The following PCDHGA2 variants were observed in gnomAD, a reference collection of about 807,000 sequenced individuals.
The protein encoded by PCDHGA2 is protocadherin gamma-A2.
A neutral mutation model predicts 59.2 loss-of-function variants in PCDHGA2; 40 were observed. The ratio of observed to expected loss-of-function variants is 0.68; its 90% CI spans 0.52 to 0.88. PCDHGA2 has a LOEUF of 0.88. PCDHGA2 is among the 40% of genes least tolerant of loss of function. The pLI, the probability that PCDHGA2 is intolerant of heterozygous loss-of-function variation, is 0.00. For missense variants in PCDHGA2, 1,226 were observed against 1,204.0 expected (o/e 1.02, Z -0.27); for synonymous variants, 560 against 526.0 (o/e 1.06, Z -0.89).
Position 141,490,318 on chromosome 5 carries a change from C to T in PCDHGA2, c.2425-4489C>T. ...ATTGGCCTCTTTGGCCAACCCTGTCCTAGAGAGCACACCAGTGGGCACAGT... is the reference window on the plus strand; with the variant it reads ...ATTGGCCTCTTTGGCCAACCCTGTCTTAGAGAGCACACCAGTGGGCACAGT... On this transcript the variant is annotated intron_variant, in intron 1 of 3. Transcript: ENST00000394576. The surrounding 1 kb of genome is among the most constrained non-coding windows in gnomAD (Gnocchi z 5.4). 1 of 1,614,220 alleles carries T rather than the reference C, an allele frequency of 6.2e-7. No homozygotes were observed.
Position 141,339,146 on chromosome 5 carries a change from C to G in PCDHGA2, c.175C>G (p.Leu59Val), listed in dbSNP as rs746677262. 2 of 1,614,218 alleles carry G rather than the reference C, an allele frequency of 1.2e-6. No homozygotes were observed. Among genetic ancestry groups the G allele is most frequent in the Non-Finnish European group, 1.7e-6 (2 of 1,180,014 alleles). Residue 59 changes from leucine to valine, a missense_variant, in exon 1 of 4, where the codon CTG (leucine) becomes GTG (valine). Physicochemically the swap from Leu to Val is conservative, Grantham distance 32. Transcript: ENST00000394576. ...GGACTTGGGTTTGGAGCCCCTGGCA[C>G]TGGCAGAGCAGGGAGTCCGCATCGT... is the stretch of plus-strand genomic sequence containing the variant. ...AKDLGLEPLA[L>V]AEQGVRIVSR...
chr5:141,413,446 G>A, intron 1 of PCDHGA2: 1 of 1,614,130 alleles, frequency 6.2e-7, no homozygotes. Context: ...CTTGATCACC[G>A]CGGGCAGGAT....
At chr5:141,357,306 C>T in intron 1 of PCDHGA2, 5 of 1,614,076 alleles carry the variant, frequency 3.1e-6, no homozygotes, top group Non-Finnish European at 4.2e-6. Context: ...CTGTCTCCTG[C>T]GTCTTCCTGG....
chr5:141,362,255 T>A (rs1257652154), intron 1 of PCDHGA2: 2 of 1,614,020 alleles, frequency 1.2e-6, no homozygotes, highest in Admixed American at 3.3e-5. Flanking sequence ...TTCCTCGCGG[T>A]GATTCTGGCA....
intron 2 of PCDHGA2, among the ~76,000 whole-genome samples, chr5:141,499,772 C>T (rs1217675128): frequency 1.0e-4 from 15 of 147,946 alleles, no homozygotes; most frequent in Admixed American, 9.0e-4. Context: ...CTGCAGCCTT[C>T]GCCTCCCGGG....
intron 1 of PCDHGA2, chr5:141,426,748 C>T: frequency 2.2e-6 from 1 of 455,172 alleles, no homozygotes; most frequent in African/African-American, 2.0e-5. Context: ...GGCCTGGAAT[C>T]TGCTATAGAT....
chr5:141,372,932 G>A (rs3806834), intron 1 of PCDHGA2: 35,987 of 882,390 alleles, frequency 0.041, 1,563 homozygotes, highest in Admixed American at 0.21. Flanking sequence ...TTCTGGTGTA[G>A]AGTAGGGTGT....
chr5:141,470,742 G>T (rs2099238719), intron 1 of PCDHGA2, among the ~76,000 whole-genome samples: 1 of 152,066 alleles, frequency 6.6e-6, no homozygotes, highest in African/African-American at 2.4e-5. Flanking sequence ...CTGTCGCCCT[G>T]GCTGGAGTGC....
At chr5:141,418,436 G>A in intron 1 of PCDHGA2, 1 of 1,614,000 alleles carries the variant, frequency 6.2e-7, no homozygotes. Flanking sequence ...CAAATATCCA[G>A]AATTAGTATT....
At chr5:141,344,655 C>T in intron 1 of PCDHGA2, 1 of 1,613,986 alleles carries the variant, frequency 6.2e-7, no homozygotes, top group Non-Finnish European at 8.5e-7. Context: ...AAAAGAAATT[C>T]ACCAGCTTGT....
intron 1 of PCDHGA2, chr5:141,428,461 G>A: frequency 2.8e-6 from 1 of 352,014 alleles, no homozygotes; most frequent in South Asian, 2.8e-5. Flanking sequence ...CAACTACAAT[G>A]AGGGAACTTT....
chr5:141,496,021 G>C lies in PCDHGA2; in HGVS notation c.2483+1156G>C, dbSNP rs1011612662. Among the ~76,000 whole-genome samples, 3 of 151,454 alleles carry C rather than the reference G, an allele frequency of 2.0e-5. No individual in the cohort carries two copies. The East Asian group carries it at 5.8e-4, about 29-fold the overall frequency. ...CTTTTATCTTGTCTTTTTTCTCTGA[G>C]CCTCTGTCTCTGTCTCTCATTTTTT... On this transcript the variant is annotated intron_variant, in intron 2 of 3. Coordinates refer to ENST00000394576, the MANE Select transcript of PCDHGA2 (RefSeq NM_018915.4).
chr5:141,371,781 G>A (rs1443074185), intron 1 of PCDHGA2: 1 of 1,613,878 alleles, frequency 6.2e-7, no homozygotes, highest in Non-Finnish European at 8.5e-7. Context: ...GCATGTAGCT[G>A]AGAACAATCC....
rs922804811 is a variant in PCDHGA2 at position 141,432,794 on chromosome 5, G to A, written c.2425-62013G>A. On this transcript the variant is annotated intron_variant, in intron 1 of 3. Coordinates refer to ENST00000394576, the MANE Select transcript of PCDHGA2 (RefSeq NM_018915.4). This position sits in a 1 kb window ranked among gnomAD's most constrained non-coding sequence, Gnocchi z 6.0. ...AGTCCTGGCGGACCTCGGCAGCCTC[G>A]AGTCTCCAGCTAACTCTGAAACCTC... The A allele has an allele frequency of 3.7e-6, 6 of 1,614,138 alleles. No homozygotes were observed. Among genetic ancestry groups the A allele is most frequent in the Non-Finnish European group, 5.1e-6 (6 of 1,180,000 alleles).
In PCDHGA2 at chr5:141,489,203, C is replaced by A; in HGVS notation, c.2425-5604C>A. On this transcript the variant is annotated intron_variant, in intron 1 of 3. Transcript: ENST00000394576. The surrounding 1 kb of genome is among the most constrained non-coding windows in gnomAD (Gnocchi z 4.5). ...CCCTGGGTCTACCTTGGAGACAGGA[C>A]AGCACAGACTTACTCTCCACAAAGG... is the stretch of plus-strand genomic sequence containing the variant. 7.1e-7 allele frequency: 1 copy of A among 1,414,834 alleles called. No individual in the cohort carries two copies. Among genetic ancestry groups the A allele is most frequent in the Non-Finnish European group, 9.6e-7 (1 of 1,040,052 alleles). The allele number at this position is 1,414,834 out of a possible 1,614,324, so 87.6% of individuals were successfully genotyped here.
At chr5:141,387,844 G>A in intron 1 of PCDHGA2, 1 of 1,597,594 alleles carries the variant, frequency 6.3e-7, no homozygotes, top group South Asian at 1.1e-5. Flanking sequence ...TTGTAACCCG[G>A]CGTCTCCAGG....
At chr5:141,403,144 C>A in intron 1 of PCDHGA2, 10 of 1,614,042 alleles carry the variant, frequency 6.2e-6, no homozygotes, top group Non-Finnish European at 8.5e-6. Flanking sequence ...AGCGCCGAGT[C>A]CGCATCGTCT....
rs776211508 is a variant in PCDHGA2, at chr5:141,491,001, C to T, written c.2425-3806C>T. On this transcript the variant is annotated intron_variant, in intron 1 of 3. Transcript: ENST00000394576. The surrounding 1 kb of genome is among the most constrained non-coding windows in gnomAD (Gnocchi z 6.9). The stretch of plus-strand genomic sequence containing the variant: ...TCCCTCGCTCTGCTCCTCCTGGCTC[C>T]TTGGTCACCAAGGTGACAGCCGTGG... The T allele has an allele frequency of 6.2e-7, 1 of 1,614,140 alleles. No individual in the cohort carries two copies. Among genetic ancestry groups the T allele is most frequent in the Non-Finnish European group, 8.5e-7 (1 of 1,180,044 alleles).
intron 2 of PCDHGA2, among the ~76,000 whole-genome samples, chr5:141,501,988 T>C (rs2099812189): frequency 6.6e-6 from 1 of 152,056 alleles, no homozygotes; most frequent in Non-Finnish European, 1.5e-5. Flanking sequence ...GGTCCCGTTG[T>C]CTCCCTGACA....
Sources: allele counts gnomAD v4.1 joint callset (sites outside exome capture counted in the v4.1 genomes callset), GRCh38; gene constraint gnomAD v4.1.1; non-coding constraint Gnocchi (gnomAD v3.1); transcripts MANE v1.5; gene names NCBI Gene and HGNC (gene_info 2026-07-23, HGNC 2026-07-21).